Variants in DNAJC6 observed in about 807,000 individuals in gnomAD.
DNAJC6 encodes the protein DnaJ heat shock protein family (Hsp40) member C6.
A neutral mutation model predicts 110.0 loss-of-function variants in DNAJC6; 34 were observed. The observed-to-expected ratio is 0.31, with a 90% CI of 0.24 to 0.41. DNAJC6 has a LOEUF of 0.41. DNAJC6 is among the 10% of genes least tolerant of loss of function. The pLI is 1.00. For missense variants in DNAJC6, 1,031 were observed against 1,207.8 expected, an observed-to-expected ratio of 0.85 and a Z score of 2.17; for synonymous variants, 406 against 437.2, an observed-to-expected ratio of 0.93 and a Z score of 0.89.
chr1:65,388,090 T>G (rs573217497), intron 8 of DNAJC6, among the ~76,000 whole-genome samples: 1 of 152,212 alleles, frequency 6.6e-6, no homozygotes, highest in African/African-American at 2.4e-5. Context: ...AGTCGAAGTA[T>G]GCCTGTGTGC....
chr1:65,411,483 G>A, intron 18 of DNAJC6, 57 bp downstream of exon 18: 1 of 1,531,062 alleles, frequency 6.5e-7, no homozygotes, highest in Non-Finnish European at 8.9e-7. Flanking sequence ...ATTATCTTAT[G>A]AGTATGTGTT....
intron 17 of DNAJC6, among the ~76,000 whole-genome samples, chr1:65,409,890 G>T (rs892089785): frequency 2.0e-5 from 3 of 151,934 alleles, no homozygotes. Context: ...TCAGCATTTT[G>T]TTTTTTTAAG....
intron 1 of DNAJC6, among the ~76,000 whole-genome samples, chr1:65,297,294 C>G (rs1644937855): frequency 6.6e-6 from 1 of 152,142 alleles, no homozygotes; most frequent in African/African-American, 2.4e-5. Flanking sequence ...ATGCTGACTA[C>G]CTTTGACTGA....
At chr1:65,363,458 C>T (rs1299139362) in intron 1 of DNAJC6, among the ~76,000 whole-genome samples, 1 of 151,982 alleles carries the variant, frequency 6.6e-6, no homozygotes, top group Admixed American at 6.6e-5. Flanking sequence ...GAGAGAAAAA[C>T]TATGGAGAAT....
chr1:65,378,053 G>A (rs963013676), intron 4 of DNAJC6, among the ~76,000 whole-genome samples: 5 of 151,352 alleles, frequency 3.3e-5, no homozygotes, highest in African/African-American at 1.2e-4. Flanking sequence ...CTGCCACCAT[G>A]TATCACCTGT....
intron 1 of DNAJC6, among the ~76,000 whole-genome samples, chr1:65,285,080 T>A (rs1018856336): frequency 3.3e-5 from 5 of 152,184 alleles, no homozygotes; most frequent in Non-Finnish European, 5.9e-5. Flanking sequence ...AATTATCAGG[T>A]TGCTTTGGTT....
intron 1 of DNAJC6, among the ~76,000 whole-genome samples, chr1:65,287,679 C>G (rs536021646): frequency 6.6e-6 from 1 of 152,292 alleles, no homozygotes; most frequent in African/African-American, 2.4e-5. Context: ...TCAGGGCTCA[C>G]TGCAGCCGTG....
intron 1 of DNAJC6, among the ~76,000 whole-genome samples, chr1:65,364,426 G>A (rs1645625763): frequency 1.3e-5 from 2 of 152,070 alleles, no homozygotes; most frequent in Non-Finnish European, 2.9e-5. Context: ...GACTCAGTGA[G>A]GGACTGACCT....
chr1:65,279,107 A>AAGAGC (rs1653765125), intron 1 of DNAJC6: 1 of 985,318 alleles, frequency 1.0e-6, no homozygotes, highest in Admixed American at 6.1e-5. Context: ...GAAATCTAAC[A>AAGAGC]AGAGCCCAGC....
At chr1:65,299,911 G>A (rs761615838) in intron 1 of DNAJC6, among the ~76,000 whole-genome samples, 1 of 151,838 alleles carries the variant, frequency 6.6e-6, no homozygotes, top group African/African-American at 2.4e-5. Context: ...AATTAGCTGG[G>A]CATGGTGGTG....
chr1:65,339,117 C>G (rs962858019), intron 1 of DNAJC6, among the ~76,000 whole-genome samples: 3 of 152,058 alleles, frequency 2.0e-5, no homozygotes, highest in Admixed American at 1.3e-4. Flanking sequence ...ATCACAGAAC[C>G]TTTCACACAG....
chr1:65,314,909 G>T (rs999074927), intron 1 of DNAJC6, among the ~76,000 whole-genome samples: 1 of 152,256 alleles, frequency 6.6e-6, no homozygotes, highest in African/African-American at 2.4e-5. Flanking sequence ...AATTTCAAAT[G>T]CTTGGAGACT....
intron 1 of DNAJC6, among the ~76,000 whole-genome samples, chr1:65,311,864 A>G (rs923223558): frequency 1.3e-5 from 2 of 152,202 alleles, no homozygotes; most frequent in Non-Finnish European, 2.9e-5. Context: ...TAAGTTCAAC[A>G]TACATTTTCT....
intron 16 of DNAJC6, 133 bp downstream of exon 16, chr1:65,406,266 G>T: frequency 2.3e-6 from 3 of 1,285,474 alleles, no homozygotes; most frequent in Non-Finnish European, 3.2e-6. Context: ...GAATCTTATA[G>T]TTGTAGAGAT....
In DNAJC6 at chr1:65,309,790, T is replaced by G. The variant is rs761277268; in HGVS notation, c.45T>G (p.Gly15=). The stretch of plus-strand genomic sequence containing the variant: ...ACCGGAAAAAGACCAGCAACGATGG[T>G]TATGAATCTTTGCAGCTGGTGGACA... ...GSYRKKTSND[G]YESLQLVDSN... The change falls in exon 1 of 19, where the codon GGT becomes GGG. Residue 15 remains glycine, a synonymous_variant. Coordinates refer to ENST00000371069, the MANE Select transcript of DNAJC6 (RefSeq NM_001256864.2). 8.4e-6 allele frequency: 13 copies of G among 1,549,418 alleles called. No homozygotes were observed. Among genetic ancestry groups the G allele is most frequent in the Non-Finnish European group, 8.7e-6 (10 of 1,146,514 alleles).
intron 1 of DNAJC6, among the ~76,000 whole-genome samples, chr1:65,349,440 T>C (rs1645470584): frequency 6.6e-6 from 1 of 152,120 alleles, no homozygotes; most frequent in Admixed American, 6.6e-5. Context: ...CCTACAGATC[T>C]GAGTTTTCAT....
intron 1 of DNAJC6, among the ~76,000 whole-genome samples, chr1:65,300,744 T>A (rs1644971542): frequency 6.6e-6 from 1 of 152,198 alleles, no homozygotes. Flanking sequence ...CAGAAAATGC[T>A]AGTTCCTTCC....
In DNAJC6 at chr1:65,286,394, G is replaced by A. The variant is rs114346734; in HGVS notation, c.-131+21462G>A. Among the ~76,000 whole-genome samples, 298 of 152,192 alleles carry A rather than the reference G, an allele frequency of 2.0e-3. 1 individual carries two copies. Among genetic ancestry groups the A allele is most frequent in the Non-Finnish European group, 3.8e-3 (257 of 68,002 alleles). On this transcript the variant is annotated intron_variant, in intron 1 of 19. Coordinates refer to the DNAJC6 transcript ENST00000263441. ...CCCGAGTAGCTGGGACTACAGGTAT[G>A]CACTACCACACCTGGTTAATTTTTA... is the stretch of plus-strand genomic sequence containing the variant.
rs1047044378 is a variant in DNAJC6 at position 65,349,069 on chromosome 1, C to T, written c.194-15566C>T. 2.0e-3 allele frequency among the ~76,000 whole-genome samples: 258 copies of T among 129,772 alleles called. 1 individual carries two copies. Among genetic ancestry groups the T allele is most frequent in the African/African-American group, 7.4e-3 (250 of 33,916 alleles). 85.1% of individuals were successfully genotyped at this position (129,772 alleles called of 152,430 possible). A position where few individuals can be genotyped will look rare whatever the true frequency, so the allele number is the denominator to read the frequency against. On this transcript the variant is annotated intron_variant, in intron 1 of 18. Coordinates refer to ENST00000371069, the MANE Select transcript of DNAJC6 (RefSeq NM_001256864.2). ...ATATATAAAAATATATATGTAAATA[C>T]ATATATAAAAATATATATGTAAATA...
Sources: gnomAD v4.1 joint callset for allele counts (sites outside exome capture counted in the v4.1 genomes callset) on GRCh38, gnomAD v4.1.1 for gene constraint, MANE v1.5 for transcripts, NCBI Gene and HGNC (gene_info 2026-07-23, HGNC 2026-07-21) for gene names.